MAN2C1: variants seen among roughly 807,000 people sequenced by gnomAD.
The protein encoded by MAN2C1 is mannosidase alpha class 2C member 1, also known as alpha-mannosidase 2C1.
A neutral mutation model predicts 126.9 loss-of-function variants in MAN2C1; 111 were observed. The ratio of observed to expected loss-of-function variants is 0.87; its 90% CI spans 0.75 to 1.02. MAN2C1 has a LOEUF of 1.02. Ranked by LOEUF, MAN2C1 falls within the 50% of genes least tolerant of loss-of-function variation. The pLI is 0.00. For missense variants in MAN2C1, 1,363 were observed against 1,364.4 expected, an observed-to-expected ratio of 1.00 and a Z score of 0.02; for synonymous variants, 567 against 561.5, an observed-to-expected ratio of 1.01 and a Z score of -0.14.
At chr15:75,364,246 T>C (rs1567284512) in intron 5 of MAN2C1, 58 bp from the exon 6 acceptor site, 1 of 1,521,348 alleles carries the variant, frequency 6.6e-7, no homozygotes. Flanking sequence ...AGACCTAGGC[T>C]CCACTGATCT....
Position 75,368,573 on chromosome 15 carries a change from G to A in MAN2C1, c.11C>T (p.Ala4Val), listed in dbSNP as rs370555978. 1.5e-5 allele frequency: 23 copies of A among 1,544,380 alleles called. No individual in the cohort carries two copies. The highest frequency in any genetic ancestry group is 7.8e-5 in the Admixed American group (4 of 51,038). The change falls in exon 1 of 26, where the codon GCG becomes GTG. Residue 4 changes from alanine (A) to valine (V), a missense_variant. Coordinates refer to ENST00000267978, the MANE Select transcript of MAN2C1 (RefSeq NM_006715.4). ...GGTGCGCCAGTGCTTCAAGGCCGGC[G>A]CAGCCGCCATCGCCGGGCTCTCGCT... MAA[A>V]PALKHWRTTL... is the part of the protein sequence containing the mutation.
chr15:75,367,528 C>T lies in MAN2C1; in HGVS notation c.334G>A (p.Asp112Asn), dbSNP rs1314084202. The change falls in exon 3 of 26, where the codon GAT (aspartate) becomes AAT (asparagine). Residue 112 changes from aspartate to asparagine, a missense_variant. Asp to Asn is a conservative substitution (Grantham distance 23). Transcript: ENST00000267978. The part of the protein sequence containing the change: ...ESDGEGLVWR[D>N]GEPVQGLTKE... ...TTCCTCACCTGGACAGGTTCTCCATCACGCCACACCAGACCTTCTCCATCA... is the reference window on the plus strand; with the variant it reads ...TTCCTCACCTGGACAGGTTCTCCATTACGCCACACCAGACCTTCTCCATCA... 1 of 1,613,978 alleles carries T rather than the reference C, an allele frequency of 6.2e-7. No homozygotes were observed.
In MAN2C1 at chr15:75,359,883, A is replaced by G; in HGVS notation, c.1792+20T>C. 1.9e-6 allele frequency: 3 copies of G among 1,611,740 alleles called. No homozygotes were observed. Among genetic ancestry groups the G allele is most frequent in the Non-Finnish European group, 1.7e-6 (2 of 1,178,772 alleles). The stretch of plus-strand genomic sequence containing the variant: ...AGCCCTGGGGTTGGAGAGAGCAGGC[A>G]GGACTATTGTGAGCCTAACCTTCAT... On this transcript the variant is annotated intron_variant, in intron 15 of 25. Coordinates refer to ENST00000267978, the MANE Select transcript of MAN2C1 (RefSeq NM_006715.4).
Position 75,362,767 on chromosome 15 carries a change from G to A in MAN2C1, c.791-19C>T. 1 of 1,604,536 alleles carries A rather than the reference G, an allele frequency of 6.2e-7. No homozygotes were observed. The highest frequency in any genetic ancestry group is 8.5e-7 in the Non-Finnish European group (1 of 1,171,618). On this transcript the variant is annotated intron_variant, in intron 6 of 25. Coordinates refer to ENST00000267978, the MANE Select transcript of MAN2C1 (RefSeq NM_006715.4). This position sits in a 1 kb window ranked among gnomAD's most constrained non-coding sequence, Gnocchi z 4.5. ...AGCCAGGCTATACGGGGAGTGAGGT[G>A]GAGGACAGAGGGAGCAGCAAGGCTG...
Position 75,361,903 on chromosome 15 carries a change from C to G in MAN2C1, c.1053G>C (p.Leu351Phe). 2 of 1,614,120 alleles carry G rather than the reference C, an allele frequency of 1.2e-6. No homozygotes were observed. The highest frequency in any genetic ancestry group is 1.7e-6 in the Non-Finnish European group (2 of 1,180,024). The change falls in exon 9 of 26, where the codon TTG becomes TTC. Residue 351 changes from leucine to phenylalanine, a missense_variant. This residue lies in a region of MAN2C1 where 628 missense variants were observed against 609.8 expected (regional missense o/e 1.03). Coordinates refer to ENST00000267978, the MANE Select transcript of MAN2C1 (RefSeq NM_006715.4). This position sits in a 1 kb window ranked among gnomAD's most constrained non-coding sequence, Gnocchi z 5.0. ...PSGEAMVRQF[L>F]QGQNFFLQEF... is the part of the protein sequence containing the mutation. Reference sequence around the variant, plus strand: ...CCTGCAGAAAGAAGTTCTGGCCCTGCAAAAACTGCCTCACCATGGCCTCTC... The same window carrying G: ...CCTGCAGAAAGAAGTTCTGGCCCTGGAAAAACTGCCTCACCATGGCCTCTC...
In MAN2C1 at chr15:75,361,992, G is replaced by A. The variant is rs1315561974; in HGVS notation, c.1009-45C>T. ...GAGGCAGCCCAGGTCAGCGCTGGAC[G>A]GGGAGCAGGCAGGCGCTCAGGCCAA... On this transcript the variant is annotated intron_variant, in intron 8 of 25. Coordinates refer to ENST00000267978, the MANE Select transcript of MAN2C1 (RefSeq NM_006715.4). The surrounding 1 kb of genome is among the most constrained non-coding windows in gnomAD (Gnocchi z 5.0). 6.8e-6 allele frequency: 10 copies of A among 1,475,142 alleles called. No homozygotes were observed. The highest frequency in any genetic ancestry group is 2.3e-5 in the South Asian group (2 of 88,288). The allele number at this position is 1,475,142 out of a possible 1,614,324, so 91.4% of individuals were successfully genotyped here.
Sources: gnomAD v4.1 joint callset for allele counts on GRCh38, gnomAD v4.1.1 for gene constraint, gnomAD v4.1.1 regional missense constraint, Gnocchi (gnomAD v3.1) non-coding constraint, MANE v1.5 for transcripts, NCBI Gene and HGNC (gene_info 2026-07-23, HGNC 2026-07-21) for gene names.